CXCR1: variants seen among roughly 807,000 people sequenced by gnomAD.
The protein encoded by CXCR1 is C-X-C motif chemokine receptor 1, also known as C-X-C chemokine receptor type 1.
For synonymous variants in CXCR1, 180 were observed against 184.7 expected (o/e 0.97, Z 0.21); for missense variants, 419 against 440.5 (o/e 0.95, Z 0.44).
chr2:218,164,560 T>A lies in CXCR1; in HGVS notation c.652A>T (p.Met218Leu). 1.2e-6 allele frequency: 2 copies of A among 1,614,150 alleles called. No homozygotes were observed. Among genetic ancestry groups the A allele is most frequent in the Non-Finnish European group, 1.7e-6 (2 of 1,180,040 alleles). The change falls in exon 2 of 2, where the codon ATG becomes TTG. Residue 218 changes from methionine (M) to leucine (L), a missense_variant. Met to Leu is a conservative substitution (Grantham distance 15, BLOSUM62 2). Coordinates refer to ENST00000295683, the MANE Select transcript of CXCR1 (RefSeq NM_000634.3). ...TFGFIVPLFV[M>L]LFCYGFTLRT... ...AGGGTGAATCCATAGCAGAACAGCA[T>A]GACAAACAGCGGCACGATGAAGCCA...
In CXCR1 at chr2:218,165,161, G is replaced by A. The variant is rs1490609886; in HGVS notation, c.51C>T (p.Phe17=). 1 of 1,614,218 alleles carries A rather than the reference G, an allele frequency of 6.2e-7. No homozygotes were observed. The highest frequency in any genetic ancestry group is 8.5e-7 in the Non-Finnish European group (1 of 1,180,036). The change falls in exon 2 of 2, where the codon TTC becomes TTT. Residue 17 remains phenylalanine, a synonymous_variant. Coordinates refer to ENST00000295683, the MANE Select transcript of CXCR1 (RefSeq NM_000634.3). ...CTTCATCTGCAGGTGGCATGCCAGTGAAATTTAGATCATCAAAATCCCACA... is the reference window on the plus strand; with the variant it reads ...CTTCATCTGCAGGTGGCATGCCAGTAAAATTTAGATCATCAAAATCCCACA... ...PQMWDFDDLN[F]TGMPPADEDY... is the part of the protein sequence containing the mutation.
At chr2:218,165,359 G>A in intron 1 of CXCR1, 115 bp from the exon 2 acceptor site, 1 of 801,338 alleles carries the variant, frequency 1.2e-6, no homozygotes, top group Non-Finnish European at 2.1e-6. Context: ...GTTTGGCAAT[G>A]AGAGCTCTCC....
Position 218,163,858 on chromosome 2 carries a change from C to G in CXCR1, c.*301G>C. On this transcript the variant is annotated 3_prime_UTR_variant, in exon 2 of 2. Coordinates refer to ENST00000295683, the MANE Select transcript of CXCR1 (RefSeq NM_000634.3). Reference sequence around the variant, plus strand: ...CTGTTCTCTCATCTAATGTCAGATTCGGGGCTCAGATGTGGCCATGCTAAT... The same window carrying G: ...CTGTTCTCTCATCTAATGTCAGATTGGGGGCTCAGATGTGGCCATGCTAAT... 5.2e-6 allele frequency: 2 copies of G among 387,218 alleles called. No homozygotes were observed. Among genetic ancestry groups the G allele is most frequent in the South Asian group, 4.6e-5 (2 of 43,078 alleles). The allele number at this position is 387,218 out of a possible 1,614,324, so 24.0% of individuals were successfully genotyped here.
At chr2:218,165,651 G>A (rs1691273459) in intron 1 of CXCR1, among the ~76,000 whole-genome samples, 1 of 152,180 alleles carries the variant, frequency 6.6e-6, no homozygotes, top group South Asian at 2.1e-4. Flanking sequence ...ATGCAAGAAG[G>A]CAAACCTGTT....
At position 218,164,605 on chromosome 2, in the gene CXCR1, G is replaced by A. The variant is rs554033138; in HGVS notation, c.607C>T (p.Arg203Trp). 29 of 1,614,194 alleles carry A rather than the reference G, an allele frequency of 1.8e-5. No individual in the cohort carries two copies. The highest frequency in any genetic ancestry group is 4.5e-5 in the East Asian group (2 of 44,888). ...AAGCCAAAGGTGTGAGGCAGGATCC[G>A]CAACACCATCCGCCATTTTGCTGTG... is the stretch of plus-strand genomic sequence containing the variant. The part of the protein sequence containing the change: ...NDTAKWRMVL[R>W]ILPHTFGFIV... The change falls in exon 2 of 2, where the codon CGG becomes TGG. Residue 203 changes from arginine (R) to tryptophan (W), a missense_variant. Physicochemically the swap from Arg to Trp is moderately radical, Grantham distance 101. Transcript: ENST00000295683.
Position 218,164,201 on chromosome 2 carries a change from G to C in CXCR1, c.1011C>G (p.Thr337=), listed in dbSNP as rs1391570877. 1 of 1,614,216 alleles carries C rather than the reference G, an allele frequency of 6.2e-7. No homozygotes were observed. Among genetic ancestry groups the C allele is most frequent in the Non-Finnish European group, 8.5e-7 (1 of 1,180,046 alleles). The part of the protein sequence containing the change: ...SKEFLARHRV[T]SYTSSSVNVS... ...CATTGACAGACGAAGAAGTGTAGGA[G>C]GTAACACGATGACGTGCCAAGAACT... Residue 337 remains threonine, a synonymous_variant, in exon 2 of 2, where the codon ACC becomes ACG. Transcript: ENST00000295683.
intron 1 of CXCR1, among the ~76,000 whole-genome samples, 184 bp from the exon 2 acceptor site, chr2:218,165,428 C>G (rs534339445): frequency 6.6e-6 from 1 of 152,230 alleles, no homozygotes; most frequent in Non-Finnish European, 1.5e-5. Flanking sequence ...TGTTCTCCAC[C>G]TTCCACAACT....
rs755294247 is a variant in CXCR1 at position 218,164,560 on chromosome 2, T to G, written c.652A>C (p.Met218Leu). ...AGGGTGAATCCATAGCAGAACAGCA[T>G]GACAAACAGCGGCACGATGAAGCCA... is the stretch of plus-strand genomic sequence containing the variant. ...TFGFIVPLFV[M>L]LFCYGFTLRT... The change falls in exon 2 of 2, where the codon ATG becomes CTG. Residue 218 changes from methionine to leucine, a missense_variant. Coordinates refer to ENST00000295683, the MANE Select transcript of CXCR1 (RefSeq NM_000634.3). The G allele has an allele frequency of 1.2e-6, 2 of 1,614,150 alleles. No individual in the cohort carries two copies. Among genetic ancestry groups the G allele is most frequent in the Non-Finnish European group, 1.7e-6 (2 of 1,180,040 alleles).
intron 1 of CXCR1, among the ~76,000 whole-genome samples, chr2:218,166,273 T>C (rs1055877620): frequency 4.6e-5 from 7 of 152,004 alleles, no homozygotes; most frequent in African/African-American, 1.7e-4. Context: ...CCGTCTCTAC[T>C]AAAAATACAA....
At chr2:218,165,753 C>T (rs1212948357) in intron 1 of CXCR1, among the ~76,000 whole-genome samples, 1 of 151,872 alleles carries the variant, frequency 6.6e-6, no homozygotes, top group African/African-American at 2.4e-5. Context: ...GAAGTGATAA[C>T]AACACATTGC....
rs1323009039 is a variant in CXCR1 at position 218,164,407 on chromosome 2, T to G, written c.805A>C (p.Arg269=). Residue 269 remains arginine (R), a synonymous_variant, in exon 2 of 2, where the codon AGG becomes CGG. Coordinates refer to ENST00000295683, the MANE Select transcript of CXCR1 (RefSeq NM_000634.3). ...CAGCTCTCCTGGATCACCTGGGTCC[T>G]CATGAGGGTGTCTGCCAGCAGGACC... ...NLVLLADTLM[R]TQVIQESCER... is the part of the protein sequence containing the mutation. 6.2e-7 allele frequency: 1 copy of G among 1,613,964 alleles called. No homozygotes were observed. Among genetic ancestry groups the G allele is most frequent in the African/African-American group, 1.3e-5 (1 of 74,882 alleles).
In CXCR1 at chr2:218,165,158, A is replaced by G. The variant is rs779003893; in HGVS notation, c.54T>C (p.Thr18=). The G allele has an allele frequency of 3.1e-6, 5 of 1,614,132 alleles. No individual in the cohort carries two copies. The highest frequency in any genetic ancestry group is 4.2e-6 in the Non-Finnish European group (5 of 1,180,040). Residue 18 remains threonine (T), a synonymous_variant, in exon 2 of 2, where the codon ACT becomes ACC. Transcript: ENST00000295683. ...QMWDFDDLNF[T]GMPPADEDYS... ...AATCTTCATCTGCAGGTGGCATGCC[A>G]GTGAAATTTAGATCATCAAAATCCC...
chr2:218,166,947 A>T lies in CXCR1; in HGVS notation c.-73T>A, dbSNP rs1691292465. On this transcript the variant is annotated 5_prime_UTR_variant, in exon 1 of 2. Transcript: ENST00000295683. ...AGGTGTGTCCAACAGTAGGAGCTGC[A>T]GTCAGAGATCAGAGTGACTTAACAG... 1 of 152,256 alleles carries T rather than the reference A, an allele frequency of 6.6e-6. No individual in the cohort carries two copies. The highest frequency in any genetic ancestry group is 1.5e-5 in the Non-Finnish European group (1 of 68,046). 9.4% of individuals were successfully genotyped at this position (152,256 alleles called of 1,614,324 possible).
At position 218,164,850 on chromosome 2, in the gene CXCR1, A is replaced by T. The variant is rs927184246; in HGVS notation, c.362T>A (p.Phe121Tyr). 1 of 1,614,114 alleles carries T rather than the reference A, an allele frequency of 6.2e-7. No homozygotes were observed. The highest frequency in any genetic ancestry group is 1.3e-5 in the African/African-American group (1 of 74,932). Residue 121 changes from phenylalanine (F) to tyrosine (Y), a missense_variant, in exon 2 of 2, where the codon TTC (phenylalanine) becomes TAC (tyrosine). Transcript: ENST00000295683. ...GGCCAACAGCAGGATGCCACTGTAGAAGTTGACTTCCTTCAGGAGTGAGAC... is the reference window on the plus strand; with the variant it reads ...GGCCAACAGCAGGATGCCACTGTAGTAGTTGACTTCCTTCAGGAGTGAGAC... Reference protein sequence around the residue: ...KVVSLLKEVNFYSGILLLACI... With the variant: ...KVVSLLKEVNYYSGILLLACI...
chr2:218,166,627 G>A (rs1307964660), intron 1 of CXCR1, among the ~76,000 whole-genome samples: 1 of 152,110 alleles, frequency 6.6e-6, no homozygotes, highest in African/African-American at 2.4e-5. Context: ...CTCCCTACCA[G>A]TATTTGCATT....
Position 218,164,607 on chromosome 2 carries a change from A to G in CXCR1, c.605T>C (p.Leu202Ser), listed in dbSNP as rs761299892. The change falls in exon 2 of 2, where the codon TTG (leucine) becomes TCG (serine). Residue 202 changes from leucine (L) to serine (S), a missense_variant. Coordinates refer to ENST00000295683, the MANE Select transcript of CXCR1 (RefSeq NM_000634.3). ...GNDTAKWRMV[L>S]RILPHTFGFI... ...GCCAAAGGTGTGAGGCAGGATCCGC[A>G]ACACCATCCGCCATTTTGCTGTGTC... 1.1e-5 allele frequency: 17 copies of G among 1,614,228 alleles called. No homozygotes were observed. In the East Asian group the frequency reaches 3.8e-4, roughly 36 times the overall value.
rs1326227679 is a variant in CXCR1, at chr2:218,164,776, G to T, written c.436C>A (p.Leu146Met). Residue 146 changes from leucine (L) to methionine (M), a missense_variant, in exon 2 of 2, where the codon CTG becomes ATG. By Grantham distance (15) the Leu-to-Met change is conservative. Transcript: ENST00000295683. ...TTGACCAAGTGACGCTTCTGGGTCA[G>T]TGTGCGTGTGGCATGGACAATGGCC... is the stretch of plus-strand genomic sequence containing the variant. ...YLAIVHATRT[L>M]TQKRHLVKFV... 6.2e-7 allele frequency: 1 copy of T among 1,614,272 alleles called. No individual in the cohort carries two copies. The highest frequency in any genetic ancestry group is 1.1e-5 in the South Asian group (1 of 91,090).
At position 218,164,366 on chromosome 2, in the gene CXCR1, G is replaced by C; in HGVS notation, c.846C>G (p.Asn282Lys). Residue 282 changes from asparagine to lysine, a missense_variant, in exon 2 of 2, where the codon AAC becomes AAG. Coordinates refer to ENST00000295683, the MANE Select transcript of CXCR1 (RefSeq NM_000634.3). ...VIQESCERRNNIGRALDATEI... is the reference protein window; with the variant it reads ...VIQESCERRNKIGRALDATEI... ...CAGTGGCATCCAGGGCCCGGCCGAT[G>C]TTGTTGCGGCGCTCACAGCTCTCCT... The C allele has an allele frequency of 6.2e-7, 1 of 1,613,442 alleles. No homozygotes were observed. Among genetic ancestry groups the C allele is most frequent in the East Asian group, 2.2e-5 (1 of 44,850 alleles).
intron 1 of CXCR1, among the ~76,000 whole-genome samples, chr2:218,166,353 A>T (rs1179378029): frequency 6.6e-6 from 1 of 152,124 alleles, no homozygotes; most frequent in Non-Finnish European, 1.5e-5. Context: ...CAGGAGAATC[A>T]CTTGAACCCG....
Sources: allele counts gnomAD v4.1 joint callset (sites outside exome capture counted in the v4.1 genomes callset), GRCh38; gene constraint gnomAD v4.1.1; transcripts MANE v1.5; gene names NCBI Gene and HGNC (gene_info 2026-07-23, HGNC 2026-07-21).